The following LRRC73 variants were observed in gnomAD, a reference collection of about 807,000 sequenced individuals.
LRRC73 encodes the protein leucine-rich repeat-containing protein 73.
In LRRC73, 16 loss-of-function variants were observed where a neutral mutation model predicts 26.4. The observed-to-expected ratio is 0.61, with a 90% confidence interval of 0.41 to 0.92. The LOEUF (loss-of-function observed/expected upper bound fraction) is 0.92, where lower values mean the gene tolerates loss of function less well. Among genes scored for constraint, LRRC73 ranks in the 40% least tolerant of loss-of-function variants. The pLI is 0.00. For missense variants in LRRC73, 344 were observed against 416.3 expected (o/e 0.83, Z 1.51); for synonymous variants, 210 against 179.8 (o/e 1.17, Z -1.34).
rs754424948 is a variant in LRRC73, at chr6:43,509,740, C to T, written c.46G>A (p.Ala16Thr). 4.3e-5 allele frequency: 69 copies of T among 1,586,632 alleles called. No homozygotes were observed. Among genetic ancestry groups the T allele is most frequent in the Non-Finnish European group, 4.3e-6 (5 of 1,174,350 alleles). ...CCGCGGCAGATGTCCCGCACCTCGG[C>T]GCCGGACAGCGGCTCCCCCGAAATC... is the stretch of plus-strand genomic sequence containing the variant. Residue 16 changes from alanine to threonine, a missense_variant, in exon 1 of 6, where the codon GCC (alanine) becomes ACC (threonine). Coordinates refer to ENST00000372441, the Ensembl canonical transcript of LRRC73.
At chr6:43,510,087 T>A (rs1353116028) in exon 1 of LRRC73, 9 of 229,982 alleles carry the variant, frequency 3.9e-5, no homozygotes, top group African/African-American at 2.1e-4. Flanking sequence ...TGTCTGGGCG[T>A]TGGGGCGGGT....
intron 3 of LRRC73, 95 bp from the exon 4 acceptor site, chr6:43,508,021 C>G: frequency 8.7e-7 from 1 of 1,153,974 alleles, no homozygotes; most frequent in South Asian, 1.4e-5. Flanking sequence ...GATACTAATC[C>G]CTGGCCAAGG....
At chr6:43,507,134 C>T in exon 6 of LRRC73, 3 of 1,258,566 alleles carry the variant, frequency 2.4e-6, no homozygotes, top group South Asian at 2.6e-5. Context: ...CATGCAGCCC[C>T]TGACCCCAGT....
In LRRC73 at chr6:43,507,506, C is replaced by T. The variant is rs140726394; in HGVS notation, c.830G>A (p.Arg277Gln). The change falls in exon 5 of 6, where the codon CGG (arginine) becomes CAG (glutamine). Residue 277 changes from arginine (R) to glutamine (Q), a missense_variant. By Grantham distance (43) the Arg-to-Gln change is conservative. Coordinates refer to ENST00000372441, the Ensembl canonical transcript of LRRC73. Reference sequence around the variant, plus strand: ...GCCTCTCTGGTGGGCAGCAGGCTCCCGCCCTCTCTCCCATTCCTGGGTGTC... The same window carrying T: ...GCCTCTCTGGTGGGCAGCAGGCTCCTGCCCTCTCTCCCATTCCTGGGTGTC... The T allele has an allele frequency of 1.9e-4, 312 of 1,613,252 alleles. 1 individual carries two copies. In the African/African-American group the frequency reaches 3.0e-3, roughly 16 times the overall value.
chr6:43,507,673 C>G, exon 5 of LRRC73: 1 of 1,614,064 alleles, frequency 6.2e-7, no homozygotes, highest in Non-Finnish European at 8.5e-7. Flanking sequence ...CCATGTCCAG[C>G]AGGGTCTGAA....
exon 6 of LRRC73, chr6:43,507,244 C>T: frequency 6.2e-7 from 1 of 1,613,876 alleles, no homozygotes; most frequent in Non-Finnish European, 8.5e-7. Context: ...AGAGTCACAT[C>T]TCGGTCTCAG....
chr6:43,508,862 G>C (rs1448201887), exon 2 of LRRC73: 1 of 1,612,718 alleles, frequency 6.2e-7, no homozygotes, highest in African/African-American at 1.3e-5. Context: ...GCAGGGTGGA[G>C]GGCCAGGGCT....
intron 1 of LRRC73, 71 bp from the exon 2 acceptor site, chr6:43,508,991 C>A: frequency 7.0e-7 from 1 of 1,422,724 alleles, no homozygotes; most frequent in Non-Finnish European, 9.3e-7. Flanking sequence ...GGCACTTTCA[C>A]TTCTGTCAGC....
exon 1 of LRRC73, chr6:43,509,813 G>C (rs1792608928): frequency 6.7e-7 from 1 of 1,487,778 alleles, no homozygotes; most frequent in Admixed American, 2.2e-5. Context: ...CTCCGGGTAC[G>C]GGGCCGGAAC....
chr6:43,507,001 T>G (rs1792504803), exon 6 of LRRC73: 3 of 546,320 alleles, frequency 5.5e-6, no homozygotes, highest in Non-Finnish European at 6.6e-6. Flanking sequence ...AGCCAGCGGG[T>G]TGCAGCCAGA....
At chr6:43,507,847 C>G (rs762708160) in exon 4 of LRRC73, 2 of 1,613,900 alleles carry the variant, frequency 1.2e-6, no homozygotes, top group Admixed American at 3.3e-5. Flanking sequence ...GGTTGGTGAG[C>G]CCTGTGCCCT....
chr6:43,510,344 G>A (rs1311421546), exon 1 of LRRC73: 1 of 152,416 alleles, frequency 6.6e-6, no homozygotes, highest in Non-Finnish European at 1.5e-5. Context: ...TCCAGCTCCA[G>A]AGAGCGAGCG....
Position 43,509,502 on chromosome 6 carries a change from G to C in LRRC73, c.272+12C>G, listed in dbSNP as rs1274449656. The stretch of plus-strand genomic sequence containing the variant: ...CAGTGCCCGGGACCCCCTTGCGAGG[G>C]GGCGCACTCACAAGAGGGACTGGAT... On this transcript the variant is annotated intron_variant, in intron 1 of 5. Coordinates refer to ENST00000372441, the Ensembl canonical transcript of LRRC73. 1.3e-6 allele frequency: 2 copies of C among 1,594,364 alleles called. No individual in the cohort carries two copies. Among genetic ancestry groups the C allele is most frequent in the African/African-American group, 1.3e-5 (1 of 74,384 alleles).
At chr6:43,508,171 T>G (rs1293447391) in intron 3 of LRRC73, 127 bp downstream of exon 3, 27 of 1,369,718 alleles carry the variant, frequency 2.0e-5, no homozygotes, top group Non-Finnish European at 9.8e-7. Context: ...GCTATCTCCT[T>G]GACCCCTGGG....
Position 43,509,596 on chromosome 6 carries a change from TA to T in LRRC73, c.189del (p.Asn64ThrfsTer34), listed in dbSNP as rs1162531212. 2 of 1,608,122 alleles carry T rather than the reference TA, an allele frequency of 1.2e-6. No homozygotes were observed. Among genetic ancestry groups the T allele is most frequent in the Non-Finnish European group, 1.7e-6 (2 of 1,178,678 alleles). ...CTGGGGCTGGACACGACGCCCAGGT[TA>T]AGGTTGAGCTGCGCCAGGGACGTGG... On this transcript the variant is annotated frameshift_variant, in exon 1 of 6. Coordinates refer to ENST00000372441, the Ensembl canonical transcript of LRRC73. LOFTEE classifies it high-confidence loss of function.
chr6:43,509,803 CT>C, exon 1 of LRRC73: 1 of 1,502,344 alleles, frequency 6.7e-7, no homozygotes, highest in Non-Finnish European at 8.8e-7. Flanking sequence ...ACGGCTGGGC[CT>C]CCGGGTACGG....
In LRRC73 at chr6:43,510,272, G is replaced by C. The variant is rs571139477; in HGVS notation, c.-487C>G. The C allele has an allele frequency of 5.9e-5, 9 of 153,352 alleles. 1 individual carries two copies. The East Asian group carries it at 1.5e-3, about 26-fold the overall frequency. The allele number at this position is 153,352 out of a possible 1,614,324, so 9.5% of individuals were successfully genotyped here. On this transcript the variant is annotated 5_prime_UTR_variant, in exon 1 of 6. Coordinates refer to ENST00000372441, the Ensembl canonical transcript of LRRC73. ...CCGCCCGGCTCCCCCCGACCACCCC[G>C]CGGGCCTGGCCGCACGGCTGGCAGA...
chr6:43,507,766 G>A (rs1792539013), intron 4 of LRRC73, 60 bp downstream of exon 4: 1 of 1,590,106 alleles, frequency 6.3e-7, no homozygotes, highest in Non-Finnish European at 8.6e-7. Flanking sequence ...TATGTCATCA[G>A]ACACATAAAC....
chr6:43,507,345 C>T (rs914599917), intron 5 of LRRC73, 37 bp from the exon 6 acceptor site: 1 of 1,612,754 alleles, frequency 6.2e-7, no homozygotes, highest in Non-Finnish European at 8.5e-7. Flanking sequence ...ACCACCATTC[C>T]TTCCTCCAAT....
Sources: gnomAD v4.1 joint callset for allele counts on GRCh38, gnomAD v4.1.1 for gene constraint, MANE v1.5 for transcripts, NCBI Gene and HGNC (gene_info 2026-07-23, HGNC 2026-07-21) for gene names.